The following ERAP1 variants were observed in gnomAD, a reference collection of about 807,000 sequenced individuals.
The protein encoded by ERAP1 is adipocyte-derived leucine aminopeptidase.
ERAP1 carries 86 observed loss-of-function variants against 103.7 expected under a neutral mutation model. That is an observed-to-expected ratio of 0.83 (90% CI 0.70 to 0.99). The LOEUF is 0.99. Ranked by LOEUF, ERAP1 falls within the 50% of genes least tolerant of loss-of-function variation. ERAP1 has a pLI of 0.00. For synonymous variants in ERAP1, 398 were observed against 402.4 expected (o/e 0.99, Z 0.13); for missense variants, 1,009 against 1,128.4 (o/e 0.89, Z 1.52).
chr5:96,841,745 T>C, the ERAP1 span, among the ~76,000 whole-genome samples: 2 of 77,374 alleles, frequency 2.6e-5, no homozygotes, highest in African/African-American at 9.3e-5. Context: ...TCTCTTCTTC[T>C]TCTTTTTTTT....
At chr5:96,870,644 C>A in the ERAP1 span, among the ~76,000 whole-genome samples, 1 of 152,124 alleles carries the variant, frequency 6.6e-6, no homozygotes, top group Admixed American at 6.5e-5. Flanking sequence ...GTTAATAAAC[C>A]CAGTTGGTTC....
At chr5:96,855,433 T>G in the ERAP1 span, among the ~76,000 whole-genome samples, 2 of 152,136 alleles carry the variant, frequency 1.3e-5, no homozygotes, top group African/African-American at 4.8e-5. Flanking sequence ...TATCTCACAC[T>G]GGAGACAATT....
chr5:96,781,635 G>A, intron 16 of ERAP1, 58 bp downstream of exon 16: 1 of 1,606,318 alleles, frequency 6.2e-7, no homozygotes, highest in Non-Finnish European at 8.5e-7. Flanking sequence ...ATGCCAGAAT[G>A]ATCTAATCTA....
At chr5:96,784,157 ATCT>A in intron 13 of ERAP1, 77 bp from the exon 14 acceptor site, 3 of 1,452,684 alleles carry the variant, frequency 2.1e-6, no homozygotes, top group South Asian at 1.1e-5. Flanking sequence ...ATATATTTTA[ATCT>A]TCTAGCAAAA....
At chr5:96,864,582 G>C in the ERAP1 span, among the ~76,000 whole-genome samples, 1 of 152,010 alleles carries the variant, frequency 6.6e-6, no homozygotes, top group Non-Finnish European at 1.5e-5. Flanking sequence ...TGTGGTAGAA[G>C]GTTTTAAGGT....
chr5:96,911,291 T>G, the ERAP1 span, among the ~76,000 whole-genome samples: 1 of 152,208 alleles, frequency 6.6e-6, no homozygotes, highest in Non-Finnish European at 1.5e-5. Context: ...AAATGCAAAT[T>G]TCTGGCTCCC....
chr5:96,762,584 G>A, exon 20 of ERAP1: 1 of 458,796 alleles, frequency 2.2e-6, no homozygotes, highest in Non-Finnish European at 3.9e-6. Flanking sequence ...TGAAAACATT[G>A]TACACATAGT....
At chr5:96,845,846 T>C in the ERAP1 span, among the ~76,000 whole-genome samples, 123 of 152,360 alleles carry the variant, frequency 8.1e-4, no homozygotes, top group African/African-American at 2.8e-3. Context: ...TTTGTATATG[T>C]TCTGAGAAAA....
the ERAP1 span, among the ~76,000 whole-genome samples, chr5:96,885,687 G>C: frequency 6.6e-6 from 1 of 152,232 alleles, no homozygotes; most frequent in South Asian, 2.1e-4. Context: ...CTCCCAGAAA[G>C]GGCTCAGGGA....
the ERAP1 span, among the ~76,000 whole-genome samples, chr5:96,860,657 C>T: frequency 6.6e-6 from 1 of 152,056 alleles, no homozygotes; most frequent in Admixed American, 6.6e-5. Flanking sequence ...AGGAAGGTTT[C>T]CTTGAGTAAG....
At chr5:96,897,207 T>C in the ERAP1 span, among the ~76,000 whole-genome samples, 1 of 152,220 alleles carries the variant, frequency 6.6e-6, no homozygotes, top group African/African-American at 2.4e-5. Context: ...TTGTCAACTG[T>C]ATTCCCCAAT....
chr5:96,903,783 T>C, the ERAP1 span, among the ~76,000 whole-genome samples: 4 of 152,170 alleles, frequency 2.6e-5, no homozygotes, highest in African/African-American at 9.7e-5. Context: ...GAACTTTACC[T>C]AAAAATCCTG....
the ERAP1 span, among the ~76,000 whole-genome samples, chr5:96,842,975 G>A: frequency 6.6e-6 from 1 of 152,060 alleles, no homozygotes; most frequent in African/African-American, 2.4e-5. Flanking sequence ...GAGGGGTGAG[G>A]ATCCAGTTTC....
the ERAP1 span, among the ~76,000 whole-genome samples, chr5:96,894,945 T>C: frequency 6.6e-6 from 1 of 152,168 alleles, no homozygotes; most frequent in Non-Finnish European, 1.5e-5. Flanking sequence ...GTGTTCCATT[T>C]TCTTTCTTAA....
chr5:96,806,488 A>G (rs546379029), intron 1 of ERAP1, among the ~76,000 whole-genome samples: 1 of 152,318 alleles, frequency 6.6e-6, no homozygotes, highest in East Asian at 1.9e-4. Flanking sequence ...ATAGCCTATT[A>G]TTCTCATTCA....
the ERAP1 span, among the ~76,000 whole-genome samples, chr5:96,829,834 A>G: frequency 7.7e-4 from 117 of 152,342 alleles, 2 homozygotes; most frequent in South Asian, 0.022. Context: ...TAGAAATGCT[A>G]TTCAGTGTTA....
the ERAP1 span, chr5:96,902,380 A>G: frequency 2.8e-6 from 4 of 1,412,734 alleles, no homozygotes; most frequent in Non-Finnish European, 4.0e-6. Flanking sequence ...CCAAACAGGT[A>G]TTTCAATGTG....
At position 96,786,493 on chromosome 5, in the gene ERAP1, C is replaced by T. The variant is rs909816083; in HGVS notation, c.1736G>A (p.Arg579Gln). The T allele has an allele frequency of 5.0e-6, 8 of 1,612,638 alleles. No homozygotes were observed. Among genetic ancestry groups the T allele is most frequent in the Non-Finnish European group, 5.9e-6 (7 of 1,179,120 alleles). ...ACCTGTTTTTGTTTTTAGCAAAAAT[C>T]GATGGACCATGTCGGATTTGCTGGT... ...FITSKSDMVH[R>Q]FLLKTKTDVL... Residue 579 changes from arginine to glutamine, a missense_variant, in exon 12 of 19, where the codon CGA becomes CAA. Coordinates refer to ENST00000443439, the MANE Select transcript of ERAP1 (RefSeq NM_001040458.3).
chr5:96,838,216 C>T, the ERAP1 span, among the ~76,000 whole-genome samples: 3 of 152,180 alleles, frequency 2.0e-5, no homozygotes, highest in Non-Finnish European at 4.4e-5. Context: ...CTGTCCCTAT[C>T]ATTAATAATA....
Sources: allele counts gnomAD v4.1 joint callset (sites outside exome capture counted in the v4.1 genomes callset), GRCh38; gene constraint gnomAD v4.1.1; transcripts MANE v1.5; gene names NCBI Gene and HGNC (gene_info 2026-07-23, HGNC 2026-07-21).